The following CDH4 variants were observed in gnomAD, a reference collection of about 807,000 sequenced individuals.
CDH4 encodes the protein cadherin-4.
Under a neutral mutation model 86.0 loss-of-function variants are expected in CDH4, and 33 were observed. The observed-to-expected ratio is 0.38, with a 90% confidence interval of 0.29 to 0.51. The LOEUF (loss-of-function observed/expected upper bound fraction) is 0.51. Ranked by LOEUF, CDH4 falls within the 20% of genes least tolerant of loss-of-function variation. The probability of loss-of-function intolerance (pLI) is 0.86; values close to 1 mark genes in which losing one functional copy is unlikely to be tolerated. For synonymous variants in CDH4, 555 were observed against 549.4 expected (o/e 1.01, Z -0.14); for missense variants, 1,114 against 1,307.4 (o/e 0.85, Z 2.28).
At chr20:61,850,838 T>A (rs1425943338) in intron 5 of CDH4, among the ~76,000 whole-genome samples, 1 of 152,154 alleles carries the variant, frequency 6.6e-6, no homozygotes, top group East Asian at 1.9e-4. Context: ...AGCTGTCAAA[T>A]GTATTTGAAT....
intron 2 of CDH4, among the ~76,000 whole-genome samples, chr20:61,698,526 C>T (rs1038612693): frequency 1.3e-5 from 2 of 152,248 alleles, no homozygotes; most frequent in African/African-American, 4.8e-5. Flanking sequence ...GGGGGACGTG[C>T]CCTTGGTCAG....
intron 2 of CDH4, among the ~76,000 whole-genome samples, chr20:61,270,717 G>C (rs2084178964): frequency 1.3e-5 from 2 of 152,152 alleles, no homozygotes; most frequent in Non-Finnish European, 2.9e-5. Context: ...AAATTACAGG[G>C]GCCTTTGAAA....
intron 3 of CDH4, among the ~76,000 whole-genome samples, chr20:61,769,771 T>G (rs983536023): frequency 1.2e-4 from 18 of 152,210 alleles, no homozygotes; most frequent in African/African-American, 4.3e-4. Flanking sequence ...GCACGCCACA[T>G]CTATTACCAT....
chr20:61,901,536 G>A (rs1034565787), intron 8 of CDH4, among the ~76,000 whole-genome samples: 3 of 152,266 alleles, frequency 2.0e-5, no homozygotes, highest in South Asian at 2.1e-4. Flanking sequence ...GACAGGAGCC[G>A]TCAGGGCCGG....
rs954398011 is a variant in CDH4 at position 61,518,965 on chromosome 20, T to C, written c.170-224598T>C. Among the ~76,000 whole-genome samples the C allele has an allele frequency of 1.9e-4, 24 of 129,642 alleles. No homozygotes were observed. The South Asian group carries it at 2.8e-3, about 15-fold the overall frequency. 85.1% of individuals were successfully genotyped at this position (129,642 alleles called of 152,430 possible). On this transcript the variant is annotated intron_variant, in intron 2 of 15. Transcript: ENST00000614565. This position sits in a 1 kb window ranked among gnomAD's most constrained non-coding sequence, Gnocchi z 6.3. ...TTCATTCATCTATCCATCCATTATT[T>C]ATCCATCCATCCATCCTTCATCCAT...
At chr20:61,863,119 C>T (rs1313066925) in intron 6 of CDH4, among the ~76,000 whole-genome samples, 1 of 152,224 alleles carries the variant, frequency 6.6e-6, no homozygotes, top group Admixed American at 6.5e-5. Context: ...CAATTGAAGG[C>T]TTGTGAAATT....
chr20:61,451,921 G>T (rs1212532573), intron 2 of CDH4, among the ~76,000 whole-genome samples: 1 of 152,226 alleles, frequency 6.6e-6, no homozygotes, highest in Admixed American at 6.5e-5. Context: ...GAAACCACTG[G>T]AAAATTAATT....
At chr20:61,626,958 C>G (rs1034165348) in intron 2 of CDH4, among the ~76,000 whole-genome samples, 1 of 152,260 alleles carries the variant, frequency 6.6e-6, no homozygotes, top group Admixed American at 6.5e-5. Flanking sequence ...CTTCCGAATC[C>G]TGTAGGAGGG....
intron 2 of CDH4, among the ~76,000 whole-genome samples, chr20:61,726,875 G>A (rs146597432): frequency 5.7e-5 from 8 of 140,936 alleles, no homozygotes; most frequent in East Asian, 4.4e-4. Flanking sequence ...ACCATCGGAG[G>A]CATCACCATT....
chr20:61,426,495 A>C (rs2085215997), intron 2 of CDH4, among the ~76,000 whole-genome samples: 1 of 152,194 alleles, frequency 6.6e-6, no homozygotes, highest in African/African-American at 2.4e-5. Context: ...TGACTTGCTC[A>C]GTTCTGAGCT....
At chr20:61,385,502 C>T (rs138754251) in intron 2 of CDH4, among the ~76,000 whole-genome samples, 364 of 152,264 alleles carry the variant, frequency 2.4e-3, no homozygotes, top group African/African-American at 8.3e-3. Flanking sequence ...TGAACGCTTC[C>T]TGTCTGTTCA....
chr20:61,456,094 G>A (rs903785415), intron 2 of CDH4, among the ~76,000 whole-genome samples: 7 of 152,098 alleles, frequency 4.6e-5, no homozygotes, highest in African/African-American at 1.7e-4. Context: ...AGGAATGGCT[G>A]GATGGTTGGA....
intron 7 of CDH4, among the ~76,000 whole-genome samples, chr20:61,877,207 C>T (rs779659549): frequency 7.2e-5 from 11 of 152,136 alleles, no homozygotes; most frequent in South Asian, 4.1e-4. Context: ...CAAGGGAGGG[C>T]TAGCAGTCCC....
chr20:61,807,689 C>T lies in CDH4; in HGVS notation c.576+34507C>T, dbSNP rs753286400. ...GTGAGAACAGCTGGGGAACTGTGGA[C>T]GGCTCTTCAGACTCAAACGGTGTGA... On this transcript the variant is annotated intron_variant, in intron 4 of 15. Transcript: ENST00000614565. The surrounding 1 kb of genome is among the most constrained non-coding windows in gnomAD (Gnocchi z 4.5). Among the ~76,000 whole-genome samples, 2 of 152,120 alleles carry T rather than the reference C, an allele frequency of 1.3e-5. No individual in the cohort carries two copies. Among genetic ancestry groups the T allele is most frequent in the Admixed American group, 6.5e-5 (1 of 15,284 alleles).
intron 2 of CDH4, chr20:61,599,987 C>G: frequency 1.0e-6 from 1 of 982,008 alleles, no homozygotes; most frequent in Non-Finnish European, 1.2e-6. Context: ...GCTGAAGTGA[C>G]AGGTACCCCG....
intron 2 of CDH4, among the ~76,000 whole-genome samples, chr20:61,325,614 T>A (rs1047914545): frequency 1.3e-5 from 2 of 151,820 alleles, no homozygotes; most frequent in Non-Finnish European, 2.9e-5. Flanking sequence ...CTTGGAGAGA[T>A]TATGAAGCCA....
intron 2 of CDH4, among the ~76,000 whole-genome samples, chr20:61,408,455 G>A (rs945084957): frequency 5.9e-5 from 9 of 152,180 alleles, no homozygotes; most frequent in East Asian, 3.9e-4. Context: ...TGACCAGACC[G>A]TAACCGTAGA....
At chr20:61,638,676 C>G (rs1307890868) in intron 2 of CDH4, among the ~76,000 whole-genome samples, 1 of 152,196 alleles carries the variant, frequency 6.6e-6, no homozygotes, top group African/African-American at 2.4e-5. Flanking sequence ...TCCTTTCTTC[C>G]TCTCTGCCCA....
At chr20:61,931,099 C>G (rs1003993151) in intron 13 of CDH4, among the ~76,000 whole-genome samples, 1 of 152,236 alleles carries the variant, frequency 6.6e-6, no homozygotes, top group Non-Finnish European at 1.5e-5. Flanking sequence ...GGGGGGCACC[C>G]GGAGTGGCCT....
Sources: gnomAD v4.1 joint callset for allele counts (sites outside exome capture counted in the v4.1 genomes callset) on GRCh38, gnomAD v4.1.1 for gene constraint, Gnocchi (gnomAD v3.1) non-coding constraint, MANE v1.5 for transcripts, NCBI Gene and HGNC (gene_info 2026-07-23, HGNC 2026-07-21) for gene names.